Variants in DLG2 observed in about 807,000 individuals in gnomAD.
DLG2 encodes the protein disks large homolog 2.
In DLG2, 45 loss-of-function variants were observed where a neutral mutation model predicts 132.5. The observed-to-expected ratio is 0.34, with a 90% CI of 0.27 to 0.44. The LOEUF (loss-of-function observed/expected upper bound fraction) is 0.44, where lower values mean the gene tolerates loss of function less well. Ranked by LOEUF, DLG2 falls within the 20% of genes least tolerant of loss-of-function variation. The pLI is 1.00. For missense variants in DLG2, 1,045 were observed against 1,196.9 expected, an observed-to-expected ratio of 0.87 and a Z score of 1.87; for synonymous variants, 424 against 419.6, an observed-to-expected ratio of 1.01 and a Z score of -0.13.
At chr11:84,394,988 C>T (rs1032425290) in intron 7 of DLG2, among the ~76,000 whole-genome samples, 1 of 152,152 alleles carries the variant, frequency 6.6e-6, no homozygotes, top group African/African-American at 2.4e-5. Context: ...CTGTTGGATA[C>T]TCACCAGTCC....
chr11:83,553,121 G>A (rs2096432527), intron 19 of DLG2, among the ~76,000 whole-genome samples: 1 of 152,136 alleles, frequency 6.6e-6, no homozygotes, highest in Admixed American at 6.6e-5. Context: ...AGGCTAAACT[G>A]AACTGAACTA....
chr11:83,578,824 C>G (rs574510438), intron 19 of DLG2, among the ~76,000 whole-genome samples: 1 of 152,112 alleles, frequency 6.6e-6, no homozygotes, highest in Non-Finnish European at 1.5e-5. Context: ...TTTTCAAGTG[C>G]GTATGAAACA....
chr11:83,471,743 G>A lies in DLG2; in HGVS notation c.2345-16C>T. The A allele has an allele frequency of 6.2e-7, 1 of 1,600,382 alleles. No homozygotes were observed. Among genetic ancestry groups the A allele is most frequent in the Non-Finnish European group, 8.6e-7 (1 of 1,168,416 alleles). The stretch of plus-strand genomic sequence containing the variant: ...GTGTAGTTTACTGCAGAATGGGAAA[G>A]GAAGATGTAGGTAAAGAGAAAGAGT... On this transcript the variant is annotated splice_polypyrimidine_tract_variant and intron_variant, in intron 23 of 27. Coordinates refer to ENST00000376104, the MANE Select transcript of DLG2 (RefSeq NM_001142699.3).
chr11:84,819,169 A>G (rs2077409764), intron 6 of DLG2, among the ~76,000 whole-genome samples: 1 of 151,806 alleles, frequency 6.6e-6, no homozygotes, highest in African/African-American at 2.4e-5. Context: ...AAAGCCTCTA[A>G]AAGATCAACT....
intron 18 of DLG2, among the ~76,000 whole-genome samples, chr11:83,767,253 T>C (rs2094183813): frequency 6.6e-6 from 1 of 152,188 alleles, no homozygotes; most frequent in Admixed American, 6.5e-5. Flanking sequence ...CCCCTCTACT[T>C]TTAAGTTCTG....
At position 84,298,954 on chromosome 11, in the gene DLG2, C is replaced by G. The variant is rs545585072; in HGVS notation, c.520-47663G>C. On this transcript the variant is annotated intron_variant, in intron 7 of 27. Transcript: ENST00000376104. ...ACCTTGAATGCTTTGCTAGGGAATCCAGTTTTATTTTGTAAACTAGTGGTT... is the reference window on the plus strand; with the variant it reads ...ACCTTGAATGCTTTGCTAGGGAATCGAGTTTTATTTTGTAAACTAGTGGTT... Among the ~76,000 whole-genome samples, 2 of 152,260 alleles carry G rather than the reference C, an allele frequency of 1.3e-5. 1 individual carries two copies. Among genetic ancestry groups the G allele is most frequent in the African/African-American group, 4.8e-5 (2 of 41,540 alleles).
At chr11:85,002,707 G>A (rs1208812992) in intron 6 of DLG2, among the ~76,000 whole-genome samples, 1 of 152,006 alleles carries the variant, frequency 6.6e-6, no homozygotes, top group Non-Finnish European at 1.5e-5. Flanking sequence ...GACCTGCAGA[G>A]GTCCACTTAC....
intron 6 of DLG2, among the ~76,000 whole-genome samples, chr11:84,791,895 C>T (rs1037200996): frequency 6.6e-6 from 1 of 152,106 alleles, no homozygotes; most frequent in Non-Finnish European, 1.5e-5. Flanking sequence ...AATTTGGTAT[C>T]TGCTTTTCCA....
At chr11:85,518,440 G>A (rs2094212314) in intron 3 of DLG2, among the ~76,000 whole-genome samples, 1 of 152,162 alleles carries the variant, frequency 6.6e-6, no homozygotes, top group Non-Finnish European at 1.5e-5. Context: ...CTAGAGATTT[G>A]TAGAACTTTC....
At chr11:83,863,940 G>C (rs1004760785) in intron 16 of DLG2, among the ~76,000 whole-genome samples, 4 of 152,138 alleles carry the variant, frequency 2.6e-5, no homozygotes, top group African/African-American at 9.7e-5. Flanking sequence ...AGGCAACATT[G>C]ATATTGAAAT....
intron 6 of DLG2, among the ~76,000 whole-genome samples, chr11:84,536,073 T>A (rs1177802055): frequency 6.6e-6 from 1 of 152,240 alleles, no homozygotes; most frequent in South Asian, 2.1e-4. Context: ...AGAAGCAGAT[T>A]ATCAATACTT....
intron 18 of DLG2, among the ~76,000 whole-genome samples, chr11:83,716,506 C>T (rs118106162): frequency 0.041 from 6,186 of 152,310 alleles, 174 homozygotes; most frequent in Middle Eastern, 0.092. Context: ...GCTTTAGATG[C>T]ACTGTGTTTT....
Position 83,742,468 on chromosome 11 carries a change from C to G in DLG2, c.1825+44222G>C, listed in dbSNP as rs191893857. ...ATTTTCCATAGTCACAGACTTCTATCATTTGTGTTAGCAGAAATAATGCTA... is the reference window on the plus strand; with the variant it reads ...ATTTTCCATAGTCACAGACTTCTATGATTTGTGTTAGCAGAAATAATGCTA... On this transcript the variant is annotated intron_variant, in intron 18 of 27. Coordinates refer to ENST00000376104, the MANE Select transcript of DLG2 (RefSeq NM_001142699.3). 2.2e-3 allele frequency among the ~76,000 whole-genome samples: 335 copies of G among 152,210 alleles called. 1 individual carries two copies. Among genetic ancestry groups the G allele is most frequent in the African/African-American group, 7.8e-3 (324 of 41,534 alleles).
At chr11:85,392,540 T>C (rs560256855) in intron 3 of DLG2, among the ~76,000 whole-genome samples, 11 of 152,022 alleles carry the variant, frequency 7.2e-5, no homozygotes, top group African/African-American at 1.9e-4. Flanking sequence ...AGAACAAATC[T>C]GGAGGCATCA....
chr11:85,165,147 C>T (rs768927330), intron 4 of DLG2, among the ~76,000 whole-genome samples: 5 of 152,158 alleles, frequency 3.3e-5, no homozygotes, highest in Non-Finnish European at 7.4e-5. Context: ...ATTCTCGGCA[C>T]AATGGAAAAT....
chr11:83,828,520 C>A (rs2053539785), intron 17 of DLG2, among the ~76,000 whole-genome samples: 1 of 152,150 alleles, frequency 6.6e-6, no homozygotes, highest in Non-Finnish European at 1.5e-5. Flanking sequence ...AGGAGATTTC[C>A]AATGGACACA....
At chr11:84,149,051 C>T (rs1314819440) in intron 9 of DLG2, among the ~76,000 whole-genome samples, 2 of 152,046 alleles carry the variant, frequency 1.3e-5, no homozygotes, top group Non-Finnish European at 2.9e-5. Flanking sequence ...ACTTTGCCCA[C>T]ATTTTAGTGG....
intron 3 of DLG2, among the ~76,000 whole-genome samples, chr11:85,307,851 C>T (rs1006618437): frequency 8.6e-5 from 13 of 152,018 alleles, no homozygotes; most frequent in African/African-American, 2.9e-4. Context: ...GTTACAGGTG[C>T]TTATGTCAAA....
intron 3 of DLG2, among the ~76,000 whole-genome samples, chr11:85,466,444 T>A (rs576679544): frequency 6.6e-6 from 1 of 152,202 alleles, no homozygotes; most frequent in African/African-American, 2.4e-5. Flanking sequence ...TGGTTTTAGG[T>A]CTAATATGTA....
Sources: gnomAD v4.1 joint callset for allele counts (sites outside exome capture counted in the v4.1 genomes callset) on GRCh38, gnomAD v4.1.1 for gene constraint, MANE v1.5 for transcripts, NCBI Gene and HGNC (gene_info 2026-07-23, HGNC 2026-07-21) for gene names.